Variants in ADARB2 observed in about 807,000 individuals in gnomAD.
ADARB2 encodes adenosine deaminase RNA specific B2 (inactive).
In ADARB2, 25 loss-of-function variants were observed where a neutral mutation model predicts 62.2. That is an observed-to-expected ratio of 0.40 (90% CI 0.29 to 0.56). The LOEUF (loss-of-function observed/expected upper bound fraction) is 0.56, where lower values mean the gene tolerates loss of function less well. ADARB2 is among the 20% of genes least tolerant of loss of function. ADARB2 has a pLI of 0.43. For synonymous variants in ADARB2, 572 were observed against 500.8 expected (o/e 1.14, Z -1.90); for missense variants, 1,071 against 1,077.4 (o/e 0.99, Z 0.08).
At position 1,250,747 on chromosome 10, in the gene ADARB2, ATTTGTT is replaced by A. The variant is rs1440844837; in HGVS notation, c.1193-8454_1193-8449del. On this transcript the variant is annotated intron_variant, in intron 4 of 9. Coordinates refer to ENST00000381312, the MANE Select transcript of ADARB2 (RefSeq NM_018702.4). Reference sequence around the variant, plus strand: ...CAACACAAAATGAACTAAGATAGTTATTTGTTTTTAACTGGGCAAGCTGATTCTAAA... The same window carrying A: ...CAACACAAAATGAACTAAGATAGTTATTTAACTGGGCAAGCTGATTCTAAA... 2.6e-5 allele frequency among the ~76,000 whole-genome samples: 4 copies of A among 152,320 alleles called. No individual in the cohort carries two copies. In the South Asian group the frequency reaches 6.2e-4, roughly 24 times the overall value.
chr10:1,424,348 G>A (rs942656262), intron 1 of ADARB2, among the ~76,000 whole-genome samples: 6 of 152,212 alleles, frequency 3.9e-5, no homozygotes, highest in Non-Finnish European at 7.3e-5. Flanking sequence ...GCCTGTGTGA[G>A]AGCAAGAAGA....
chr10:1,487,115 G>A (rs1164234142), intron 1 of ADARB2, among the ~76,000 whole-genome samples: 2 of 152,210 alleles, frequency 1.3e-5, no homozygotes, highest in South Asian at 2.1e-4. Context: ...CCGGATGCTG[G>A]GGAGGCCGGA....
chr10:1,666,913 A>G (rs1285466772), intron 1 of ADARB2, among the ~76,000 whole-genome samples: 2 of 152,242 alleles, frequency 1.3e-5, no homozygotes, highest in Non-Finnish European at 2.9e-5. Flanking sequence ...TCAGGGTAAC[A>G]TAAGATCTTT....
At chr10:1,186,839 G>C (rs1055297170) in intron 8 of ADARB2, among the ~76,000 whole-genome samples, 1 of 152,220 alleles carries the variant, frequency 6.6e-6, no homozygotes, top group Non-Finnish European at 1.5e-5. Flanking sequence ...TGGTGCGAGT[G>C]GGTTCCCGCC....
At chr10:1,287,832 G>A (rs1045159673) in intron 3 of ADARB2, among the ~76,000 whole-genome samples, 5 of 152,162 alleles carry the variant, frequency 3.3e-5, no homozygotes, top group African/African-American at 4.8e-5. Flanking sequence ...TTATGCCGTC[G>A]GCTGTGTGGC....
At chr10:1,525,613 G>A (rs985251596) in intron 1 of ADARB2, among the ~76,000 whole-genome samples, 5 of 152,058 alleles carry the variant, frequency 3.3e-5, no homozygotes, top group East Asian at 1.9e-4. Context: ...CTGTTACCTC[G>A]GAGGGGTTGT....
intron 6 of ADARB2, among the ~76,000 whole-genome samples, chr10:1,229,462 T>C (rs1830777683): frequency 1.3e-5 from 2 of 152,152 alleles, no homozygotes; most frequent in African/African-American, 4.8e-5. Flanking sequence ...CTCACTTCTC[T>C]CCTGGGCCTT....
rs574142164 is a variant in ADARB2 at position 1,278,381 on chromosome 10, C to T, written c.1078-7312G>A. Among the ~76,000 whole-genome samples the T allele has an allele frequency of 2.0e-4, 30 of 151,716 alleles. No homozygotes were observed. The South Asian group carries it at 6.1e-3, about 31-fold the overall frequency. On this transcript the variant is annotated intron_variant, in intron 3 of 9. Transcript: ENST00000381312. ...GCTGAAGTTTGGTGTACAAGTGACC[C>T]AGGTAGTGAGCACAGTACTTGGTAG...
chr10:1,362,747 G>A (rs1372226988), intron 3 of ADARB2, among the ~76,000 whole-genome samples: 1 of 152,188 alleles, frequency 6.6e-6, no homozygotes, highest in African/African-American at 2.4e-5. Flanking sequence ...ACCTGGCACG[G>A]GGGACCCGTC....
intron 1 of ADARB2, among the ~76,000 whole-genome samples, chr10:1,683,849 G>C (rs1834569268): frequency 6.6e-6 from 1 of 152,244 alleles, no homozygotes; most frequent in African/African-American, 2.4e-5. Context: ...GTGGGGCTGA[G>C]TCCGAGGCCG....
At position 1,737,193 on chromosome 10, in the gene ADARB2, C is replaced by T. The variant is rs761609570; in HGVS notation, c.-43G>A. 1.3e-6 allele frequency: 2 copies of T among 1,582,616 alleles called. No homozygotes were observed. The highest frequency in any genetic ancestry group is 1.7e-5 in the Admixed American group (1 of 59,778). On this transcript the variant is annotated 5_prime_UTR_variant, in exon 1 of 10. Coordinates refer to ENST00000381312, the MANE Select transcript of ADARB2 (RefSeq NM_018702.4). ...GGAGCCCAGAGCCGCCTCCCTCCTG[C>T]ACCTGCACCTGCCTCCTTCCCGGCA...
At chr10:1,671,045 G>T (rs192629310) in intron 1 of ADARB2, among the ~76,000 whole-genome samples, 3 of 152,304 alleles carry the variant, frequency 2.0e-5, no homozygotes, top group Non-Finnish European at 4.4e-5. Context: ...TCTTTGAAAA[G>T]AAAAGGAAAG....
At chr10:1,437,710 G>C (rs2387676) in intron 1 of ADARB2, among the ~76,000 whole-genome samples, 24,935 of 152,140 alleles carry the variant, frequency 0.16, 2,148 homozygotes, top group East Asian at 0.31. Flanking sequence ...CAGGAGTGGG[G>C]TTTGGACAGC....
At chr10:1,505,942 C>G (rs780821540) in intron 1 of ADARB2, among the ~76,000 whole-genome samples, 1 of 152,120 alleles carries the variant, frequency 6.6e-6, no homozygotes, top group Non-Finnish European at 1.5e-5. Context: ...TGACTTTTTC[C>G]ATTCTTGGTA....
At chr10:1,609,623 C>T (rs1227955232) in intron 1 of ADARB2, among the ~76,000 whole-genome samples, 2 of 152,256 alleles carry the variant, frequency 1.3e-5, no homozygotes, top group South Asian at 2.1e-4. Context: ...TGAGGGACTG[C>T]GTGCTCTCTT....
At chr10:1,729,599 T>A (rs1316986770) in intron 1 of ADARB2, among the ~76,000 whole-genome samples, 1 of 152,232 alleles carries the variant, frequency 6.6e-6, no homozygotes, top group Non-Finnish European at 1.5e-5. Context: ...AGAGAGGACA[T>A]TTTTATACTT....
intron 1 of ADARB2, among the ~76,000 whole-genome samples, chr10:1,647,573 ATG>A (rs1834059847): frequency 6.6e-6 from 1 of 152,016 alleles, no homozygotes; most frequent in Admixed American, 6.5e-5. Context: ...ATCTGCATGT[ATG>A]TGTGTGTATA....
chr10:1,459,931 A>C (rs1239855187), intron 1 of ADARB2, among the ~76,000 whole-genome samples: 9 of 144,784 alleles, frequency 6.2e-5, no homozygotes, highest in African/African-American at 2.4e-4. Flanking sequence ...CTGTGACCTG[A>C]GTTTACCTGC....
At chr10:1,654,020 G>A (rs1277740519) in intron 1 of ADARB2, among the ~76,000 whole-genome samples, 2 of 152,008 alleles carry the variant, frequency 1.3e-5, no homozygotes, top group Non-Finnish European at 2.9e-5. Context: ...CTGGGGGCTG[G>A]CTCTGTGGAG....
Sources: allele counts gnomAD v4.1 joint callset (sites outside exome capture counted in the v4.1 genomes callset), GRCh38; gene constraint gnomAD v4.1.1; transcripts MANE v1.5; gene names NCBI Gene and HGNC (gene_info 2026-07-23, HGNC 2026-07-21).